Variants in NLRP1 observed in about 807,000 individuals in gnomAD.
The protein encoded by NLRP1 is NLR family pyrin domain containing 1.
A neutral mutation model predicts 136.7 loss-of-function variants in NLRP1; 94 were observed. The ratio of observed to expected loss-of-function variants is 0.69; its 90% CI spans 0.58 to 0.82. NLRP1 has a LOEUF of 0.82. Ranked by LOEUF, NLRP1 falls within the 40% of genes least tolerant of loss-of-function variation. The pLI, the probability that NLRP1 is intolerant of heterozygous loss-of-function variation, is 0.00. For synonymous variants in NLRP1, 690 were observed against 725.1 expected (o/e 0.95, Z 0.78); for missense variants, 1,575 against 1,802.7 (o/e 0.87, Z 2.29).
downstream of NLRP1, among the ~76,000 whole-genome samples, chr17:5,511,681 G>T (rs1177355657): frequency 2.0e-5 from 3 of 152,220 alleles, no homozygotes; most frequent in Non-Finnish European, 2.9e-5. Flanking sequence ...TGCGGGGGTT[G>T]CGGGGCTTAG....
intron 14 of NLRP1, among the ~76,000 whole-genome samples, chr17:5,520,433 T>A (rs1043271141): frequency 6.6e-6 from 1 of 152,044 alleles, no homozygotes; most frequent in African/African-American, 2.4e-5. Context: ...CTAAAGAAAA[T>A]CTTCGTTTCC....
chr17:5,541,856 C>T lies in NLRP1; in HGVS notation c.2699+1G>A, dbSNP rs769425824. 1 of 1,613,942 alleles carries T rather than the reference C, an allele frequency of 6.2e-7. No individual in the cohort carries two copies. The highest frequency in any genetic ancestry group is 8.5e-7 in the Non-Finnish European group (1 of 1,180,000). On this transcript the variant is annotated splice_donor_variant, in intron 6 of 16. Coordinates refer to ENST00000572272, the MANE Select transcript of NLRP1 (RefSeq NM_033004.4). LOFTEE classifies it high-confidence loss of function. The surrounding 1 kb of genome is among the most constrained non-coding windows in gnomAD (Gnocchi z 4.2). Reference sequence around the variant, plus strand: ...TCCCCCTGCCCACCAAGAACAATTACTGCAGTCGCTGTAGCTTGCAGCTCG... The same window carrying T: ...TCCCCCTGCCCACCAAGAACAATTATTGCAGTCGCTGTAGCTTGCAGCTCG...
chr17:5,543,592 G>T (rs1321351903), intron 5 of NLRP1, among the ~76,000 whole-genome samples: 1 of 151,950 alleles, frequency 6.6e-6, no homozygotes, highest in Non-Finnish European at 1.5e-5. Context: ...CCTGAGGGAG[G>T]TTGTAGTGAG....
rs769258942 is a variant in NLRP1 at position 5,501,570 on chromosome 17, CCTTT to C, written c.*240_*243del. 144 of 414,654 alleles carry C rather than the reference CCTTT, an allele frequency of 3.5e-4. 4 individuals are homozygous for C. In the South Asian group the frequency reaches 4.2e-3, roughly 12 times the overall value. 25.7% of individuals were successfully genotyped at this position (414,654 alleles called of 1,614,324 possible). A position where few individuals can be genotyped will look rare whatever the true frequency, so the allele number is the denominator to read the frequency against. On this transcript the variant is annotated 3_prime_UTR_variant, in exon 16 of 16. Transcript: ENST00000262467. Reference sequence around the variant, plus strand: ...AATTGGTGCATTTCTCTGCCTTCTTCCTTTTTTTTCTCTGTCTCTCCATCTGCAT... The same window carrying C: ...AATTGGTGCATTTCTCTGCCTTCTTCTTTTTCTCTGTCTCTCCATCTGCAT...
At chr17:5,529,455 C>T (rs12940090) in intron 12 of NLRP1, among the ~76,000 whole-genome samples, 8,568 of 151,682 alleles carry the variant, frequency 0.056, 280 homozygotes, top group Middle Eastern at 0.099. Flanking sequence ...GCAAGCTCCA[C>T]CTCCTGGGTT....
chr17:5,545,465 GACACAC>G lies in NLRP1; in HGVS notation c.2529-3444_2529-3439del, dbSNP rs577109194. 4.0e-5 allele frequency among the ~76,000 whole-genome samples: 5 copies of G among 125,540 alleles called. No homozygotes were observed. The South Asian group carries it at 1.3e-3, about 32-fold the overall frequency. The allele number at this position is 125,540 out of a possible 152,430, so 82.4% of individuals were successfully genotyped here. A position where few individuals can be genotyped will look rare whatever the true frequency, so the allele number is the denominator to read the frequency against. ...ACTTTGACACACAGACACACATACAGACACACACACAGACACACACACACAGACACA... is the reference window on the plus strand; with the variant it reads ...ACTTTGACACACAGACACACATACAGACACAGACACACACACACAGACACA... On this transcript the variant is annotated intron_variant, in intron 5 of 16. Transcript: ENST00000572272.
chr17:5,558,229 T>C, intron 4 of NLRP1, 110 bp downstream of exon 4: 2 of 1,203,878 alleles, frequency 1.7e-6, no homozygotes, highest in Non-Finnish European at 2.3e-6. Context: ...CCTGATCCTT[T>C]AGCCACCCCC....
intron 12 of NLRP1, among the ~76,000 whole-genome samples, chr17:5,524,875 C>T (rs946647867): frequency 6.6e-6 from 1 of 152,120 alleles, no homozygotes; most frequent in Non-Finnish European, 1.5e-5. Context: ...TGCCCAGGAC[C>T]GAGAGGGCTC....
chr17:5,548,101 G>A (rs760761056), intron 5 of NLRP1, among the ~76,000 whole-genome samples: 3 of 152,188 alleles, frequency 2.0e-5, no homozygotes, highest in South Asian at 2.1e-4. Context: ...TCATGACCAC[G>A]ACCCTCACAT....
Position 5,558,522 on chromosome 17 carries a change from G to A in NLRP1, c.2174C>T (p.Thr725Ile). ...TTGTGTCAGGAACGTTTTGTTCCGA[G>A]TCTCGTACAAGCAGTGGAGGGACTC... The part of the protein sequence containing the change: ...SLESLHCLYE[T>I]RNKTFLTQVM... The change falls in exon 4 of 17, where the codon ACT becomes ATT. Residue 725 changes from threonine to isoleucine, a missense_variant. Thr to Ile is a moderately conservative substitution (Grantham distance 89). Coordinates refer to ENST00000572272, the MANE Select transcript of NLRP1 (RefSeq NM_033004.4). 6.2e-7 allele frequency: 1 copy of A among 1,614,036 alleles called. No individual in the cohort carries two copies. The highest frequency in any genetic ancestry group is 8.5e-7 in the Non-Finnish European group (1 of 1,180,014).
At chr17:5,533,064 C>A in intron 10 of NLRP1, 80 bp from the exon 11 acceptor site, 1 of 1,484,970 alleles carries the variant, frequency 6.7e-7, no homozygotes, top group Non-Finnish European at 9.0e-7. Flanking sequence ...TGTAAGGGGC[C>A]CTTCCCAAGG....
chr17:5,583,749 G>T lies in NLRP1; in HGVS notation c.209C>A (p.Ala70Asp). Residue 70 changes from alanine to aspartate, a missense_variant, in exon 1 of 17, where the codon GCC becomes GAC. Physicochemically the swap from Ala to Asp is moderately radical, Grantham distance 126 (BLOSUM62 -2). Transcript: ENST00000572272. This position sits in a 1 kb window ranked among gnomAD's most constrained non-coding sequence, Gnocchi z 4.5. ...CCCCATCTGCTCCCAGGTATGGAGG[G>T]CTAGGTCCCAGGCCCGCTGCTCCCC... ...QYGEQRAWDL[A>D]LHTWEQMGLR... 6.4e-7 allele frequency: 1 copy of T among 1,552,884 alleles called. No homozygotes were observed. Among genetic ancestry groups the T allele is most frequent in the Non-Finnish European group, 8.7e-7 (1 of 1,147,988 alleles).
rs1911852465 is a variant in NLRP1 at position 5,541,437 on chromosome 17, T to G, written c.2699+420A>C. Among the ~76,000 whole-genome samples, 1 of 152,164 alleles carries G rather than the reference T, an allele frequency of 6.6e-6. No individual in the cohort carries two copies. The highest frequency in any genetic ancestry group is 2.4e-5 in the African/African-American group (1 of 41,434). On this transcript the variant is annotated intron_variant, in intron 6 of 16. Transcript: ENST00000572272. The surrounding 1 kb of genome is among the most constrained non-coding windows in gnomAD (Gnocchi z 4.2). ...GGACACCAGTGATTTCAGCTCTCCA[T>G]GGCAGAACCCCATGCCAAGTAAGAG...
chr17:5,553,965 A>T lies in NLRP1; in HGVS notation c.2358-409T>A, dbSNP rs559517762. Among the ~76,000 whole-genome samples the T allele has an allele frequency of 5.7e-4, 86 of 152,006 alleles. 3 individuals are homozygous for T. The South Asian group carries it at 0.017, about 29-fold the overall frequency. The stretch of plus-strand genomic sequence containing the variant: ...TAAAAAAATTTGACAATTTTAATTT[A>T]AAAAAAATTTGACAGCCTTCCTCCC... On this transcript the variant is annotated intron_variant, in intron 4 of 16. Transcript: ENST00000572272.
At chr17:5,526,325 T>G (rs1909547521) in intron 12 of NLRP1, among the ~76,000 whole-genome samples, 1 of 152,178 alleles carries the variant, frequency 6.6e-6, no homozygotes, top group Admixed American at 6.5e-5. Flanking sequence ...GTTTTGGGAC[T>G]CTATATTGTT....
chr17:5,545,335 C>G (rs1371152915), intron 5 of NLRP1, among the ~76,000 whole-genome samples: 1 of 104,862 alleles, frequency 9.5e-6, no homozygotes, highest in Admixed American at 1.0e-4. Context: ...CACAGACACA[C>G]AGACACACAC....
Position 5,514,715 on chromosome 17 carries a change from A to C in NLRP1, c.*39T>G. 2 of 1,604,082 alleles carry C rather than the reference A, an allele frequency of 1.2e-6. No individual in the cohort carries two copies. Among genetic ancestry groups the C allele is most frequent in the Non-Finnish European group, 1.7e-6 (2 of 1,172,316 alleles). ...ACTGAGACCCAAAGAAGGGTCAGCCAAAGCCAGGACTCAAGGGTCAAGGGC... is the reference window on the plus strand; with the variant it reads ...ACTGAGACCCAAAGAAGGGTCAGCCCAAGCCAGGACTCAAGGGTCAAGGGC... On this transcript the variant is annotated 3_prime_UTR_variant, in exon 17 of 17. Transcript: ENST00000572272.
At chr17:5,518,566 T>C (rs1355491711) in intron 14 of NLRP1, 1 of 143,252 alleles carries the variant, frequency 7.0e-6, no homozygotes, top group African/African-American at 2.6e-5. Flanking sequence ...TTTTCTTTTT[T>C]GTTTCTTTTT....
At position 5,546,844 on chromosome 17, in the gene NLRP1, G is replaced by A. The variant is rs142380944; in HGVS notation, c.2529-4817C>T. On this transcript the variant is annotated intron_variant, in intron 5 of 16. Coordinates refer to ENST00000572272, the MANE Select transcript of NLRP1 (RefSeq NM_033004.4). ...GTCTTGGGTAGTCTGGCATCCAAGC[G>A]TGTGTAAGGCTGTACACTCTTCCAT... is the stretch of plus-strand genomic sequence containing the variant. Among the ~76,000 whole-genome samples, 7 of 152,316 alleles carry A rather than the reference G, an allele frequency of 4.6e-5. No homozygotes were observed. The East Asian group carries it at 5.8e-4, about 13-fold the overall frequency.
Sources: allele counts gnomAD v4.1 joint callset (sites outside exome capture counted in the v4.1 genomes callset), GRCh38; gene constraint gnomAD v4.1.1; non-coding constraint Gnocchi (gnomAD v3.1); transcripts MANE v1.5; gene names NCBI Gene and HGNC (gene_info 2026-07-23, HGNC 2026-07-21).